GOLGA6L9: variants seen among roughly 807,000 people sequenced by gnomAD.
GOLGA6L9 encodes the protein golgin subfamily A member 6-like protein 9.
A neutral mutation model predicts 51.3 loss-of-function variants in GOLGA6L9; 19 were observed. The ratio of observed to expected loss-of-function variants is 0.37; its 90% confidence interval spans 0.26 to 0.54. GOLGA6L9 has a LOEUF of 0.54. Ranked by LOEUF, GOLGA6L9 falls within the 20% of genes least tolerant of loss-of-function variation. The pLI, the probability that GOLGA6L9 is intolerant of heterozygous loss-of-function variation, is 0.83. For missense variants in GOLGA6L9, 247 were observed against 464.1 expected, an observed-to-expected ratio of 0.53 and a Z score of 4.30; for synonymous variants, 97 against 184.2, an observed-to-expected ratio of 0.53 and a Z score of 3.83.
rs943728364 is a variant in GOLGA6L9, at chr15:82,438,446, T to G, written c.*2035T>G. ...AATCCTATGACAATAACTATGACAATAACTATGACAAGTCTTTCTTCAAAG... is the reference window on the plus strand; with the variant it reads ...AATCCTATGACAATAACTATGACAAGAACTATGACAAGTCTTTCTTCAAAG... On this transcript the variant is annotated 3_prime_UTR_variant, in exon 9 of 9. Transcript: ENST00000618348. 4 of 151,458 alleles carry G rather than the reference T, an allele frequency of 2.6e-5. No homozygotes were observed. The highest frequency in any genetic ancestry group is 9.7e-5 in the African/African-American group (4 of 41,308). The allele number at this position is 151,458 out of a possible 1,614,324, so 9.4% of individuals were successfully genotyped here.
In GOLGA6L9 at chr15:82,437,904, TA is replaced by T. The variant is rs1202120430; in HGVS notation, c.*1494del. The T allele has an allele frequency of 2.0e-5, 3 of 151,184 alleles. No individual in the cohort carries two copies. Among genetic ancestry groups the T allele is most frequent in the African/African-American group, 7.3e-5 (3 of 41,000 alleles). 9.4% of individuals were successfully genotyped at this position (151,184 alleles called of 1,614,324 possible). ...ACAAAGTTCTTTACAAAGAGTGAAA[TA>T]TGTTTTTATACCTCTCAGTTTCAGT... On this transcript the variant is annotated 3_prime_UTR_variant, in exon 9 of 9. Coordinates refer to ENST00000618348, the MANE Select transcript of GOLGA6L9 (RefSeq NM_198181.4).
chr15:82,434,247 G>C lies in GOLGA6L9; in HGVS notation c.647G>C (p.Cys216Ser). 5.8e-6 allele frequency: 9 copies of C among 1,554,268 alleles called. No individual in the cohort carries two copies. Among genetic ancestry groups the C allele is most frequent in the Non-Finnish European group, 6.1e-6 (7 of 1,156,476 alleles). The change falls in exon 6 of 9, where the codon TGT (cysteine) becomes TCT (serine). Residue 216 changes from cysteine to serine, a missense_variant. Physicochemically the swap from Cys to Ser is moderately radical, Grantham distance 112. Coordinates refer to ENST00000618348, the MANE Select transcript of GOLGA6L9 (RefSeq NM_198181.4). ...ERLREQEERLCEQEERLCEQE... is the reference protein window; with the variant it reads ...ERLREQEERLSEQEERLCEQE... Reference sequence around the variant, plus strand: ...CTACGTGAACAGGAGGAGAGGCTGTGTGAACAGGAGGAGAGGCTGTGTGAA... The same window carrying C: ...CTACGTGAACAGGAGGAGAGGCTGTCTGAACAGGAGGAGAGGCTGTGTGAA...
At chr15:82,435,325 A>G (rs1203532592) in intron 7 of GOLGA6L9, 1 of 317,658 alleles carries the variant, frequency 3.1e-6, no homozygotes, top group Non-Finnish European at 6.0e-6. Context: ...GTGAAAGCTC[A>G]TCTCTACTAA....
chr15:82,430,190 A>C (rs1350810522), intron 1 of GOLGA6L9, 27 bp downstream of exon 1: 1 of 584,762 alleles, frequency 1.7e-6, no homozygotes, highest in Non-Finnish European at 2.9e-6. Flanking sequence ...CATGGCCCCC[A>C]ACCCAGCCAC....
At chr15:82,425,952 CTG>C (rs1361083972), upstream of GOLGA6L9, among the ~76,000 whole-genome samples, 3 of 147,018 alleles carry the variant, frequency 2.0e-5, no homozygotes, top group South Asian at 2.2e-4. Context: ...GAGAATAAGA[CTG>C]TGAATGGGAT....
Position 82,434,078 on chromosome 15 carries a change from G to A in GOLGA6L9, c.478G>A (p.Glu160Lys). ...GCCCCCAGCAGGGCCATCTAAGATGGAGCAGCTACAAGATGAGACCAACCA... is the reference window on the plus strand; with the variant it reads ...GCCCCCAGCAGGGCCATCTAAGATGAAGCAGCTACAAGATGAGACCAACCA... ...PQPPAGPSKM[E>K]QLQDETNHLR... Residue 160 changes from glutamate to lysine, a missense_variant, in exon 6 of 9, where the codon GAG (glutamate) becomes AAG (lysine). By Grantham distance (56) the Glu-to-Lys change is moderately conservative (BLOSUM62 1). Coordinates refer to ENST00000618348, the MANE Select transcript of GOLGA6L9 (RefSeq NM_198181.4). 3 of 1,495,356 alleles carry A rather than the reference G, an allele frequency of 2.0e-6. No homozygotes were observed. Among genetic ancestry groups the A allele is most frequent in the South Asian group, 2.4e-5 (2 of 81,894 alleles). 92.6% of individuals were successfully genotyped at this position (1,495,356 alleles called of 1,614,324 possible). A position where few individuals can be genotyped will look rare whatever the true frequency, so the allele number is the denominator to read the frequency against.
Position 82,429,861 on chromosome 15 carries a change from A to G in GOLGA6L9, c.-219A>G, listed in dbSNP as rs2031346181. ...GGGCGGGGACAGCGGTTGCATGGGC[A>G]GCTTTCCTTATGATGCTACAGGTCC... On this transcript the variant is annotated 5_prime_UTR_variant, in exon 1 of 9. Transcript: ENST00000618348. Among the ~76,000 whole-genome samples, 1 of 152,064 alleles carries G rather than the reference A, an allele frequency of 6.6e-6. No individual in the cohort carries two copies. The highest frequency in any genetic ancestry group is 1.5e-5 in the Non-Finnish European group (1 of 68,028).
At chr15:82,416,870 G>T in the GOLGA6L9 span, among the ~76,000 whole-genome samples, 1 of 152,214 alleles carries the variant, frequency 6.6e-6, no homozygotes, top group Non-Finnish European at 1.5e-5. Context: ...TATATGATAA[G>T]TCTCACTCTT....
rs1259432821 is a variant in GOLGA6L9, at chr15:82,429,881, A to G, written c.-199A>G. 11 of 753,052 alleles carry G rather than the reference A, an allele frequency of 1.5e-5. No individual in the cohort carries two copies. Among genetic ancestry groups the G allele is most frequent in the Non-Finnish European group, 2.6e-5 (11 of 423,252 alleles). The allele number at this position is 753,052 out of a possible 1,614,324, so 46.6% of individuals were successfully genotyped here. ...TGGGCAGCTTTCCTTATGATGCTACAGGTCCCTCTGGACATGCTGCGCCTG... is the reference window on the plus strand; with the variant it reads ...TGGGCAGCTTTCCTTATGATGCTACGGGTCCCTCTGGACATGCTGCGCCTG... On this transcript the variant is annotated 5_prime_UTR_variant, in exon 1 of 9. Transcript: ENST00000618348.
chr15:82,432,737 C>T (rs2031461249), intron 3 of GOLGA6L9, 80 bp from the exon 4 acceptor site: 1 of 1,574,472 alleles, frequency 6.4e-7, no homozygotes, highest in African/African-American at 1.3e-5. Context: ...AGCCCACACA[C>T]CCCCACCAGC....
In GOLGA6L9 at chr15:82,432,582, G is replaced by A. The variant is rs1158303193; in HGVS notation, c.215G>A (p.Gly72Asp). ...GYHSPGDSAT[G>D]IYGEGRASST... The stretch of plus-strand genomic sequence containing the variant: ...TCTCATCTCTTGGAGTCAGCAACAG[G>A]TATCTACGGGGAGGGCCGTGCATCC... Residue 72 changes from glycine to aspartate, a missense_variant, in exon 3 of 9, where the codon GGT becomes GAT. Gly to Asp is a moderately conservative substitution (Grantham distance 94). Around this residue, in one of 9 missense-constraint regions of GOLGA6L9, gnomAD observed 74 missense variants for 91.2 expected, o/e 0.81. Coordinates refer to ENST00000618348, the MANE Select transcript of GOLGA6L9 (RefSeq NM_198181.4). The A allele has an allele frequency of 2.5e-6, 4 of 1,603,470 alleles. No homozygotes were observed. The highest frequency in any genetic ancestry group is 3.4e-6 in the Non-Finnish European group (4 of 1,179,628).
chr15:82,419,283 C>G, the GOLGA6L9 span: 80 of 181,266 alleles, frequency 4.4e-4, no homozygotes, highest in African/African-American at 1.1e-3. Flanking sequence ...TTTTCACCCT[C>G]AATAGAGTGT....
chr15:82,418,297 T>A, the GOLGA6L9 span, among the ~76,000 whole-genome samples: 8 of 152,170 alleles, frequency 5.3e-5, no homozygotes, highest in Non-Finnish European at 1.2e-4. Context: ...TGGCAAGTCT[T>A]CTGGGGGGAA....
Position 82,434,189 on chromosome 15 carries a change from CAGG to C in GOLGA6L9, c.595_597del (p.Glu199del), listed in dbSNP as rs2031549944. ...GATGTTGAGTCTCCTGAACAGGAGA[CAGG>C]AGGAGAGGCTACGTGAACAGGAGGA... On this transcript the variant is annotated inframe_deletion, in exon 6 of 9. Coordinates refer to ENST00000618348, the MANE Select transcript of GOLGA6L9 (RefSeq NM_198181.4). 23 of 1,549,532 alleles carry C rather than the reference CAGG, an allele frequency of 1.5e-5. No homozygotes were observed. The highest frequency in any genetic ancestry group is 1.6e-5 in the Non-Finnish European group (19 of 1,155,222).
the GOLGA6L9 span, among the ~76,000 whole-genome samples, chr15:82,420,719 T>A: frequency 2.6e-5 from 4 of 152,008 alleles, no homozygotes; most frequent in Non-Finnish European, 5.9e-5. Context: ...GGCAGAAGGA[T>A]GTTGGAGGCT....
chr15:82,417,235 G>A, the GOLGA6L9 span, among the ~76,000 whole-genome samples: 1 of 152,128 alleles, frequency 6.6e-6, no homozygotes, highest in African/African-American at 2.4e-5. Flanking sequence ...ATATTACTGT[G>A]TCTGTATATG....
At chr15:82,427,508 C>T (rs1173499792), upstream of GOLGA6L9, among the ~76,000 whole-genome samples, 4 of 150,754 alleles carry the variant, frequency 2.7e-5, no homozygotes, top group East Asian at 2.0e-4. Flanking sequence ...CTTTTAACTT[C>T]GTGATTTTAG....
chr15:82,429,480 ATTG>A (rs1408789064), upstream of GOLGA6L9, among the ~76,000 whole-genome samples: 15 of 152,292 alleles, frequency 9.8e-5, no homozygotes, highest in African/African-American at 3.1e-4. Flanking sequence ...AAAAAGAGAA[ATTG>A]TTGTGATTAT....
the GOLGA6L9 span, among the ~76,000 whole-genome samples, chr15:82,424,386 C>CT: frequency 6.6e-6 from 1 of 151,976 alleles, no homozygotes; most frequent in Non-Finnish European, 1.5e-5. Context: ...TAAGCTGATT[C>CT]TTTAAGGGTA....
Sources: gnomAD v4.1 joint callset for allele counts (sites outside exome capture counted in the v4.1 genomes callset) on GRCh38, gnomAD v4.1.1 for gene constraint, gnomAD v4.1.1 regional missense constraint, MANE v1.5 for transcripts, NCBI Gene and HGNC (gene_info 2026-07-23, HGNC 2026-07-21) for gene names.